Variants in GPR173 observed in about 807,000 individuals in gnomAD.
GPR173 encodes G protein-coupled receptor 173, also known as probable G protein-coupled receptor 173.
Under a neutral mutation model 13.9 loss-of-function variants are expected in GPR173, and 2 were observed. The observed-to-expected ratio is 0.14, with a 90% CI of 0.06 to 0.45. GPR173 has a LOEUF of 0.45. Among genes scored for constraint, GPR173 ranks in the 20% least tolerant of loss-of-function variants. The probability of loss-of-function intolerance (pLI) is 0.98; values close to 1 mark genes in which losing one functional copy is unlikely to be tolerated. For missense variants in GPR173, 202 were observed against 340.5 expected (o/e 0.59, Z 3.20); for synonymous variants, 131 against 141.0 (o/e 0.93, Z 0.50).
At chrX:53,073,726 G>A (rs1932302498) in intron 1 of GPR173, among the ~76,000 whole-genome samples, 1 of 95,554 alleles carries the variant, frequency 1.0e-5, no homozygotes, top group South Asian at 4.6e-4. Flanking sequence ...CATTCTGACA[G>A]GACAAGGCAG....
rs896587558 is a variant in GPR173 at position 53,055,717 on chromosome X, T to C, written c.-98+6233T>C. ...GTTGGATATGTCCAGGTGGGTTGTG[T>C]GTGGATGTAGTTATACCTGGGTGGT... On this transcript the variant is annotated intron_variant, in intron 1 of 1. Transcript: ENST00000332582. Among the ~76,000 whole-genome samples, 8 of 109,490 alleles carry C rather than the reference T, an allele frequency of 7.3e-5. No individual in the cohort carries two copies. The East Asian group carries it at 2.3e-3, about 32-fold the overall frequency.
rs1162510275 is a variant in GPR173, at chrX:53,067,794, C to A, written c.-97-8731C>A. 2.3e-4 allele frequency among the ~76,000 whole-genome samples: 23 copies of A among 99,158 alleles called. No homozygotes were observed. In the South Asian group the frequency reaches 4.0e-3, roughly 17 times the overall value. The allele number at this position is 99,158 out of a possible 115,157, so 86.1% of individuals were successfully genotyped here. Reference sequence around the variant, plus strand: ...AGCCGAGATCGTGCCACTGCACTCCCGCCTGGGCGACAGAGCGAGACTCCA... The same window carrying A: ...AGCCGAGATCGTGCCACTGCACTCCAGCCTGGGCGACAGAGCGAGACTCCA... On this transcript the variant is annotated intron_variant, in intron 1 of 1. Coordinates refer to ENST00000332582, the MANE Select transcript of GPR173 (RefSeq NM_018969.6).
intron 1 of GPR173, among the ~76,000 whole-genome samples, chrX:53,068,660 T>C (rs1176167772): frequency 9.2e-6 from 1 of 108,629 alleles, no homozygotes; most frequent in East Asian, 2.9e-4. Flanking sequence ...CACATCCCTG[T>C]AGTCCCAGCT....
At chrX:53,071,078 C>T (rs966413805) in intron 1 of GPR173, 1 of 111,175 alleles carries the variant, frequency 9.0e-6, no homozygotes, top group African/African-American at 3.3e-5. Context: ...AGTGATTCTC[C>T]TGCCTCAGCC....
At position 53,076,548 on chromosome X, in the gene GPR173, T is replaced by C. The variant is rs1211811086; in HGVS notation, c.-74T>C. Reference sequence around the variant, plus strand: ...AGGTGCAATGTAGCAGGACAACTCATGGAGCCCCCCCGGGCCCATCGAGTA... The same window carrying C: ...AGGTGCAATGTAGCAGGACAACTCACGGAGCCCCCCCGGGCCCATCGAGTA... On this transcript the variant is annotated 5_prime_UTR_variant, in exon 2 of 2. An upstream start codon of the reference 5' UTR is lost. Transcript: ENST00000332582. 1 of 859,335 alleles carries C rather than the reference T, an allele frequency of 1.2e-6. No individual in the cohort carries two copies. The highest frequency in any genetic ancestry group is 1.6e-6 in the Non-Finnish European group (1 of 613,239). The allele number at this position is 859,335 out of a possible 1,213,427, so 70.8% of individuals were successfully genotyped here.
chrX:53,074,363 T>G (rs372098290), intron 1 of GPR173, among the ~76,000 whole-genome samples: 1 of 46,104 alleles, frequency 2.2e-5, no homozygotes, highest in Non-Finnish European at 3.2e-5. Context: ...TATATTTATA[T>G]TTATTTATAA....
chrX:53,056,674 T>G (rs1932044300), intron 1 of GPR173, among the ~76,000 whole-genome samples: 1 of 111,030 alleles, frequency 9.0e-6, no homozygotes, highest in African/African-American at 3.3e-5. Context: ...AGGTGGTATA[T>G]CTGGAGGTTT....
chrX:53,063,395 GT>G (rs1441963851), intron 1 of GPR173, among the ~76,000 whole-genome samples: 1 of 109,930 alleles, frequency 9.1e-6, no homozygotes, highest in African/African-American at 3.3e-5. Context: ...AGTCCTAGGG[GT>G]ACCTCTCTAG....
intron 1 of GPR173, among the ~76,000 whole-genome samples, chrX:53,075,159 C>T (rs1932411996): frequency 9.3e-6 from 1 of 107,804 alleles, no homozygotes; most frequent in South Asian, 4.1e-4. Flanking sequence ...CTTGCTCTTC[C>T]TCAAATATGC....
intron 1 of GPR173, among the ~76,000 whole-genome samples, chrX:53,066,903 A>G (rs1342496253): frequency 4.5e-5 from 5 of 111,301 alleles, no homozygotes; most frequent in Admixed American, 2.9e-4. Flanking sequence ...CTATAGACAA[A>G]CTTACAGGTG....
chrX:53,054,559 T>A (rs1932007002), intron 1 of GPR173, among the ~76,000 whole-genome samples: 1 of 104,888 alleles, frequency 9.5e-6, no homozygotes, highest in African/African-American at 3.5e-5. Context: ...CTGGGTAGGG[T>A]GTGCGTGTGA....
At chrX:53,073,949 GTATATTTATATATAAATA>G (rs1932321858) in intron 1 of GPR173, among the ~76,000 whole-genome samples, 1 of 3,106 alleles carries the variant, frequency 3.2e-4, no homozygotes, top group Admixed American at 6.0e-3. Context: ...ATATATTTAT[GTATATTTATATATAAATA>G]TATATTTATA....
Position 53,077,406 on chromosome X carries a change from G to A in GPR173, c.785G>A (p.Arg262Gln), listed in dbSNP as rs1036280104. 3 of 1,203,558 alleles carry A rather than the reference G, an allele frequency of 2.5e-6. No individual in the cohort carries two copies. The highest frequency in any genetic ancestry group is 3.4e-6 in the Non-Finnish European group (3 of 891,070). ...GPMPPTLLGI[R>Q]QNGHAASRRL... ...ATGCCACCAACCCTGCTGGGTATCC[G>A]GCAGAATGGGCATGCAGCCAGCCGG... The change falls in exon 2 of 2, where the codon CGG (arginine) becomes CAG (glutamine). Residue 262 changes from arginine (R) to glutamine (Q), a missense_variant. Around this residue, in one of 3 missense-constraint regions of GPR173, gnomAD observed 76 missense variants for 116.3 expected, o/e 0.65. Coordinates refer to ENST00000332582, the MANE Select transcript of GPR173 (RefSeq NM_018969.6).
At chrX:53,050,242 C>T (rs1381849121) in intron 1 of GPR173, among the ~76,000 whole-genome samples, 2 of 111,198 alleles carry the variant, frequency 1.8e-5, no homozygotes, top group Non-Finnish European at 1.9e-5. Flanking sequence ...CCTGATGGTT[C>T]TGTGGGGGCA....
intron 1 of GPR173, among the ~76,000 whole-genome samples, chrX:53,055,841 G>A (rs1288834583): frequency 1.8e-5 from 2 of 109,573 alleles, no homozygotes; most frequent in African/African-American, 6.7e-5. Context: ...GTGAGAGTGG[G>A]GCTGTATTTG....
At chrX:53,061,641 A>G (rs951216508) in intron 1 of GPR173, among the ~76,000 whole-genome samples, 1 of 111,832 alleles carries the variant, frequency 8.9e-6, no homozygotes, top group African/African-American at 3.3e-5. Flanking sequence ...TTATACAATT[A>G]TGGGAAGAAA....
intron 1 of GPR173, among the ~76,000 whole-genome samples, chrX:53,074,078 G>A (rs782385729): frequency 5.2e-4 from 10 of 19,081 alleles, no homozygotes; most frequent in Middle Eastern, 0.077. Context: ...AAATATACAT[G>A]TATATTTATT....
chrX:53,068,000 T>C (rs1932209700), intron 1 of GPR173, among the ~76,000 whole-genome samples: 2 of 111,991 alleles, frequency 1.8e-5, no homozygotes, highest in African/African-American at 3.2e-5. Context: ...CAAATACCAA[T>C]CACAAGTAAA....
intron 1 of GPR173, among the ~76,000 whole-genome samples, chrX:53,055,733 C>A (rs1230011459): frequency 1.8e-5 from 2 of 108,930 alleles, no homozygotes; most frequent in Non-Finnish European, 3.8e-5. Context: ...TGTAGTTATA[C>A]CTGGGTGGTG....
Sources: allele counts gnomAD v4.1 joint callset (sites outside exome capture counted in the v4.1 genomes callset), GRCh38; gene constraint gnomAD v4.1.1; regional missense constraint gnomAD v4.1.1; transcripts MANE v1.5; gene names NCBI Gene and HGNC (gene_info 2026-07-23, HGNC 2026-07-21).